Variants in PAICS observed in about 807,000 individuals in gnomAD.
The protein encoded by PAICS is phosphoribosylaminoimidazole carboxylase and phosphoribosylaminoimidazolesuccinocarboxamide synthase, also known as bifunctional phosphoribosylaminoimidazole carboxylase/phosphoribosylaminoimidazole succinocarboxamide synthetase.
Under a neutral mutation model 53.7 loss-of-function variants are expected in PAICS, and 33 were observed. The observed-to-expected ratio is 0.61, with a 90% CI of 0.47 to 0.82. PAICS has a LOEUF of 0.82. Among genes scored for constraint, PAICS ranks in the 40% least tolerant of loss-of-function variants. The probability of loss-of-function intolerance (pLI) is 0.00; values close to 1 mark genes in which losing one functional copy is unlikely to be tolerated. For synonymous variants in PAICS, 141 were observed against 167.2 expected (o/e 0.84, Z 1.21); for missense variants, 394 against 494.1 (o/e 0.80, Z 1.92).
chr4:56,451,730 C>T, intron 6 of PAICS, 142 bp from the exon 7 acceptor site: 1 of 480,530 alleles, frequency 2.1e-6, no homozygotes, highest in Non-Finnish European at 3.7e-6. Context: ...TAAATCCTGT[C>T]TTTTTGTTGT....
chr4:56,423,758 T>C, the PAICS span, among the ~76,000 whole-genome samples: 1 of 151,962 alleles, frequency 6.6e-6, no homozygotes, highest in Non-Finnish European at 1.5e-5. Flanking sequence ...ATCCTAGAGA[T>C]TATATTATTT....
the PAICS span, among the ~76,000 whole-genome samples, chr4:56,426,785 C>T: frequency 6.6e-6 from 1 of 152,094 alleles, no homozygotes; most frequent in Non-Finnish European, 1.5e-5. Context: ...AAAATATTTA[C>T]CATTATACCC....
intron 1 of PAICS, among the ~76,000 whole-genome samples, chr4:56,441,268 ATTACT>A (rs1189544410): frequency 6.6e-6 from 1 of 152,198 alleles, no homozygotes; most frequent in African/African-American, 2.4e-5. Flanking sequence ...GTATAGTTAC[ATTACT>A]TTAAGTGGGT....
rs765306022 is a variant in PAICS, at chr4:56,459,369, T to C, written c.1112-3T>C. 2.0e-6 allele frequency: 3 copies of C among 1,530,444 alleles called. No individual in the cohort carries two copies. Among genetic ancestry groups the C allele is most frequent in the Non-Finnish European group, 2.6e-6 (3 of 1,132,700 alleles). The allele number at this position is 1,530,444 out of a possible 1,614,324, so 94.8% of individuals were successfully genotyped here. A position where few individuals can be genotyped will look rare whatever the true frequency, so the allele number is the denominator to read the frequency against. ...TTCTGTCTTTTCCTTGCTGAACCAA[T>C]AGGTCTTGGCTGTTCAACCGTACTT... On this transcript the variant is annotated splice_region_variant and splice_polypyrimidine_tract_variant and intron_variant, in intron 8 of 8. Coordinates refer to ENST00000512576, the MANE Select transcript of PAICS (RefSeq NM_001079524.2).
At chr4:56,428,765 C>A in the PAICS span, among the ~76,000 whole-genome samples, 4 of 152,112 alleles carry the variant, frequency 2.6e-5, no homozygotes, top group Non-Finnish European at 4.4e-5. Flanking sequence ...TAATTTAAGC[C>A]AAGAGTTTCA....
intron 2 of PAICS, among the ~76,000 whole-genome samples, chr4:56,445,112 C>T (rs1167726046): frequency 1.3e-5 from 2 of 152,056 alleles, no homozygotes; most frequent in Non-Finnish European, 2.9e-5. Flanking sequence ...GTTCATGCAA[C>T]ATACCACAAT....
At position 56,460,104 on chromosome 4, in the gene PAICS, C is replaced by T. The variant is rs1719430179; in HGVS notation, c.*566C>T. The T allele has an allele frequency of 6.6e-6, 1 of 152,550 alleles. No individual in the cohort carries two copies. Among genetic ancestry groups the T allele is most frequent in the Non-Finnish European group, 1.5e-5 (1 of 68,382 alleles). 9.4% of individuals were successfully genotyped at this position (152,550 alleles called of 1,614,324 possible). A position where few individuals can be genotyped will look rare whatever the true frequency, so the allele number is the denominator to read the frequency against. The stretch of plus-strand genomic sequence containing the variant: ...CTCTCACTATGTCACCCAGGTTCGT[C>T]TCAAACTCCTGAACCCTAGTAATTC... On this transcript the variant is annotated 3_prime_UTR_variant, in exon 9 of 9. Coordinates refer to ENST00000512576, the MANE Select transcript of PAICS (RefSeq NM_001079524.2).
Position 56,460,214 on chromosome 4 carries a change from T to C in PAICS, c.*676T>C, listed in dbSNP as rs1320932331. ...ACTTGTACTTTCAACTGTCCATTTCTCCCTGTCTGTCCCATGGGCACTCAT... is the reference window on the plus strand; with the variant it reads ...ACTTGTACTTTCAACTGTCCATTTCCCCCTGTCTGTCCCATGGGCACTCAT... On this transcript the variant is annotated 3_prime_UTR_variant, in exon 9 of 9. Coordinates refer to ENST00000512576, the MANE Select transcript of PAICS (RefSeq NM_001079524.2). 1 of 152,166 alleles carries C rather than the reference T, an allele frequency of 6.6e-6. No homozygotes were observed. Among genetic ancestry groups the C allele is most frequent in the Admixed American group, 6.6e-5 (1 of 15,264 alleles). 9.4% of individuals were successfully genotyped at this position (152,166 alleles called of 1,614,324 possible). A position where few individuals can be genotyped will look rare whatever the true frequency, so the allele number is the denominator to read the frequency against.
At chr4:56,412,273 C>A in the PAICS span, among the ~76,000 whole-genome samples, 1 of 151,940 alleles carries the variant, frequency 6.6e-6, no homozygotes, top group Non-Finnish European at 1.5e-5. Flanking sequence ...CCTCAAACTC[C>A]CAATTCCAAA....
intron 5 of PAICS, among the ~76,000 whole-genome samples, 176 bp downstream of exon 5, chr4:56,448,999 A>T (rs1718763314): frequency 6.6e-6 from 1 of 152,236 alleles, no homozygotes; most frequent in Admixed American, 6.5e-5. Flanking sequence ...AATAATAGGA[A>T]TAATACTTTA....
At chr4:56,414,317 G>C in the PAICS span, 4 of 152,320 alleles carry the variant, frequency 2.6e-5, no homozygotes, top group East Asian at 7.7e-4. Context: ...CATGCAAGTG[G>C]TAAGGATAGG....
Position 56,443,034 on chromosome 4 carries a change from G to A in PAICS, c.214+1174G>A, listed in dbSNP as rs138336305. Among the ~76,000 whole-genome samples the A allele has an allele frequency of 2.5e-3, 374 of 152,252 alleles. 2 individuals carry two copies. The highest frequency in any genetic ancestry group is 8.6e-3 in the African/African-American group (356 of 41,558). On this transcript the variant is annotated intron_variant, in intron 2 of 8. Transcript: ENST00000512576. Reference sequence around the variant, plus strand: ...CTGTAAATTTAAAGGATCTTCCAGAGTTCCTAAGTCACAGAATCTAAGATT... The same window carrying A: ...CTGTAAATTTAAAGGATCTTCCAGAATTCCTAAGTCACAGAATCTAAGATT...
upstream of PAICS, chr4:56,435,291 G>T (rs1717843636): frequency 2.5e-6 from 4 of 1,604,728 alleles, no homozygotes; most frequent in African/African-American, 5.3e-5. Flanking sequence ...CGCCGACTGC[G>T]GGAAGCGGCT....
At chr4:56,445,147 T>TA (rs2052196217) in intron 2 of PAICS, among the ~76,000 whole-genome samples, 1 of 152,158 alleles carries the variant, frequency 6.6e-6, no homozygotes, top group Non-Finnish European at 1.5e-5. Context: ...ATTTGAGTCT[T>TA]ACGAGTCAGA....
Position 56,454,761 on chromosome 4 carries a change from A to C in PAICS, c.1111+1000A>C, listed in dbSNP as rs1423201635. 2.6e-5 allele frequency among the ~76,000 whole-genome samples: 4 copies of C among 151,906 alleles called. No individual in the cohort carries two copies. In the East Asian group the frequency reaches 5.8e-4, roughly 22 times the overall value. ...GATGGTGAGATCTGTAATAAAATCA[A>C]GTTTAGATATTTTTTTCCCAAGAAT... On this transcript the variant is annotated intron_variant, in intron 8 of 8. Transcript: ENST00000512576.
chr4:56,459,138 T>C (rs189074520), intron 8 of PAICS, among the ~76,000 whole-genome samples: 87 of 152,334 alleles, frequency 5.7e-4, no homozygotes, highest in African/African-American at 1.9e-3. Flanking sequence ...GGGTGATAGA[T>C]GATATATATA....
At chr4:56,444,830 A>G (rs1718524143) in intron 2 of PAICS, among the ~76,000 whole-genome samples, 1 of 152,094 alleles carries the variant, frequency 6.6e-6, no homozygotes, top group African/African-American at 2.4e-5. Flanking sequence ...AGTTATCTTT[A>G]TATTAAAAAC....
At chr4:56,431,791 GT>G (rs1717596339), upstream of PAICS, among the ~76,000 whole-genome samples, 1 of 152,186 alleles carries the variant, frequency 6.6e-6, no homozygotes, top group Admixed American at 6.5e-5. Context: ...AGATGAAAAT[GT>G]TTATTCTAAG....
upstream of PAICS, among the ~76,000 whole-genome samples, chr4:56,432,420 C>T (rs6811652): frequency 0.37 from 55,227 of 150,116 alleles, 10,583 homozygotes; most frequent in Non-Finnish European, 0.44. Context: ...CCCAGCTACT[C>T]GGGAGACAGG....
Sources: allele counts gnomAD v4.1 joint callset (sites outside exome capture counted in the v4.1 genomes callset), GRCh38; gene constraint gnomAD v4.1.1; transcripts MANE v1.5; gene names NCBI Gene and HGNC (gene_info 2026-07-23, HGNC 2026-07-21).